IPO9: variants seen among roughly 807,000 people sequenced by gnomAD.
The protein encoded by IPO9 is importin 9.
A neutral mutation model predicts 128.6 loss-of-function variants in IPO9; 28 were observed. The ratio of observed to expected loss-of-function variants is 0.22; its 90% CI spans 0.16 to 0.30. The LOEUF is 0.30. Ranked by LOEUF, IPO9 falls within the 10% of genes least tolerant of loss-of-function variation. The pLI is 1.00. For synonymous variants in IPO9, 455 were observed against 475.8 expected (o/e 0.96, Z 0.57); for missense variants, 935 against 1,293.9 (o/e 0.72, Z 4.26).
At chr1:201,864,096 A>G (rs1332284578) in intron 14 of IPO9, among the ~76,000 whole-genome samples, 2 of 152,196 alleles carry the variant, frequency 1.3e-5, no homozygotes, top group East Asian at 1.9e-4. Context: ...TTATATTCCT[A>G]CGCAGACTAG....
Position 201,854,632 on chromosome 1 carries a change from A to G in IPO9, c.728A>G (p.Gln243Arg). The change falls in exon 7 of 24, where the codon CAG becomes CGG. Residue 243 changes from glutamine (Q) to arginine (R), a missense_variant. By Grantham distance (43) the Gln-to-Arg change is conservative. Coordinates refer to ENST00000361565, the MANE Select transcript of IPO9 (RefSeq NM_018085.5). ...AKVLIFPVVQQFTEAFVQALQ... is the reference protein window; with the variant it reads ...AKVLIFPVVQRFTEAFVQALQ... Reference sequence around the variant, plus strand: ...GTCCTGATCTTTCCCGTGGTACAGCAGTTCACAGAGGCCTTTGTTCAGGCC... The same window carrying G: ...GTCCTGATCTTTCCCGTGGTACAGCGGTTCACAGAGGCCTTTGTTCAGGCC... The G allele has an allele frequency of 1.2e-6, 2 of 1,614,194 alleles. No individual in the cohort carries two copies. The highest frequency in any genetic ancestry group is 1.7e-6 in the Non-Finnish European group (2 of 1,180,034).
At chr1:201,858,141 C>G (rs1336139188) in intron 11 of IPO9, among the ~76,000 whole-genome samples, 1 of 152,186 alleles carries the variant, frequency 6.6e-6, no homozygotes, top group East Asian at 1.9e-4. Context: ...TCCAAGAGAG[C>G]AAATATTTGG....
chr1:201,852,644 T>C (rs1392418718), intron 5 of IPO9, among the ~76,000 whole-genome samples: 1 of 152,226 alleles, frequency 6.6e-6, no homozygotes, highest in Admixed American at 6.5e-5. Flanking sequence ...ACCTGATGGA[T>C]AATGTTTTAA....
rs1433768489 is a variant in IPO9 at position 201,868,741 on chromosome 1, C to T, written c.1949C>T (p.Thr650Ile). Reference sequence around the variant, plus strand: ...CCAATGCAAATGAGGCTGATTCCCACTCTGGTCAGCATAATGCAGGCCCCA... The same window carrying T: ...CCAATGCAAATGAGGCTGATTCCCATTCTGGTCAGCATAATGCAGGCCCCA... Reference protein sequence around the residue: ...QGPMQMRLIPTLVSIMQAPAD... With the variant: ...QGPMQMRLIPILVSIMQAPAD... Residue 650 changes from threonine to isoleucine, a missense_variant, in exon 16 of 24, where the codon ACT (threonine) becomes ATT (isoleucine). Thr to Ile is a moderately conservative substitution (Grantham distance 89). Around this residue, in one of 3 missense-constraint regions of IPO9, gnomAD observed 741 missense variants for 1,019.1 expected, o/e 0.73. Coordinates refer to ENST00000361565, the MANE Select transcript of IPO9 (RefSeq NM_018085.5). 2.5e-6 allele frequency: 4 copies of T among 1,613,964 alleles called. No individual in the cohort carries two copies. In the African/African-American group the frequency reaches 4.0e-5, roughly 16 times the overall value.
chr1:201,851,487 G>A (rs1472955204), intron 4 of IPO9, among the ~76,000 whole-genome samples: 1 of 151,590 alleles, frequency 6.6e-6, no homozygotes, highest in Non-Finnish European at 1.5e-5. Flanking sequence ...AGACGTGAAG[G>A]GAAAGATACG....
intron 1 of IPO9, among the ~76,000 whole-genome samples, chr1:201,830,733 T>G (rs1208951521): frequency 1.3e-5 from 2 of 152,224 alleles, no homozygotes; most frequent in Non-Finnish European, 2.9e-5. Flanking sequence ...CTCATCACAT[T>G]CAAGTTGTCA....
chr1:201,872,803 C>T lies in IPO9; in HGVS notation c.2577-25C>T. 3 of 1,598,208 alleles carry T rather than the reference C, an allele frequency of 1.9e-6. No homozygotes were observed. The South Asian group carries it at 3.4e-5, about 18-fold the overall frequency. The stretch of plus-strand genomic sequence containing the variant: ...GAACTCGAGATGGGCGGCTGATTGA[C>T]CTTTTTTTGGATCTTCCTTGCCAGC... On this transcript the variant is annotated intron_variant, in intron 19 of 23. Coordinates refer to ENST00000361565, the MANE Select transcript of IPO9 (RefSeq NM_018085.5).
intron 19 of IPO9, among the ~76,000 whole-genome samples, chr1:201,872,303 G>A (rs776854852): frequency 3.1e-4 from 47 of 151,980 alleles, no homozygotes; most frequent in Non-Finnish European, 5.3e-4. Context: ...TTATCACCTC[G>A]TTGCACCTTA....
rs988531162 is a variant in IPO9, at chr1:201,878,210, T to G, written c.*2156T>G. ...GGAGTTGCTGATACTGGGGAAATGATGGCAGATCTGACCAAGTGGTGCTGA... is the reference window on the plus strand; with the variant it reads ...GGAGTTGCTGATACTGGGGAAATGAGGGCAGATCTGACCAAGTGGTGCTGA... On this transcript the variant is annotated 3_prime_UTR_variant, in exon 24 of 24. Transcript: ENST00000361565. 1 of 152,318 alleles carries G rather than the reference T, an allele frequency of 6.6e-6. No homozygotes were observed. The highest frequency in any genetic ancestry group is 1.5e-5 in the Non-Finnish European group (1 of 68,118). The allele number at this position is 152,318 out of a possible 1,614,324, so 9.4% of individuals were successfully genotyped here. A position where few individuals can be genotyped will look rare whatever the true frequency, so the allele number is the denominator to read the frequency against.
At chr1:201,872,526 C>T (rs146169986) in intron 19 of IPO9, among the ~76,000 whole-genome samples, 48 of 152,052 alleles carry the variant, frequency 3.2e-4, no homozygotes, top group African/African-American at 1.0e-3. Flanking sequence ...ATCACCTGAA[C>T]CCAGGGAGGT....
At chr1:201,836,205 A>G (rs1679920100) in intron 1 of IPO9, among the ~76,000 whole-genome samples, 1 of 151,890 alleles carries the variant, frequency 6.6e-6, no homozygotes, top group South Asian at 2.1e-4. Flanking sequence ...TTTTTTTAAC[A>G]AATATACTTA....
intron 11 of IPO9, among the ~76,000 whole-genome samples, chr1:201,857,654 G>A (rs191077426): frequency 6.6e-6 from 1 of 152,246 alleles, no homozygotes; most frequent in African/African-American, 2.4e-5. Flanking sequence ...AATTAGCCGG[G>A]CGTGATGGCG....
At chr1:201,869,758 C>G (rs1680614767) in intron 17 of IPO9, 40 bp downstream of exon 17, 2 of 1,609,982 alleles carry the variant, frequency 1.2e-6, no homozygotes, top group Non-Finnish European at 1.7e-6. Flanking sequence ...AAGATAGCTC[C>G]CCAGCCATGG....
chr1:201,863,301 G>A lies in IPO9; in HGVS notation c.1469-147G>A, dbSNP rs1048923417. On this transcript the variant is annotated intron_variant, in intron 13 of 23. Coordinates refer to ENST00000361565, the MANE Select transcript of IPO9 (RefSeq NM_018085.5). ...CGGGGGACGGAGGTTGCAGTGAGCC[G>A]AGATCACGCCATCGCACTCCATCCT... 27 of 674,342 alleles carry A rather than the reference G, an allele frequency of 4.0e-5. 1 individual carries two copies. The highest frequency in any genetic ancestry group is 1.5e-4 in the East Asian group (5 of 33,866). The allele number at this position is 674,342 out of a possible 1,614,324, so 41.8% of individuals were successfully genotyped here. A position where few individuals can be genotyped will look rare whatever the true frequency, so the allele number is the denominator to read the frequency against.
At chr1:201,867,323 TACTA>T (rs1375847463) in intron 15 of IPO9, among the ~76,000 whole-genome samples, 1 of 152,072 alleles carries the variant, frequency 6.6e-6, no homozygotes, top group Non-Finnish European at 1.5e-5. Context: ...GAAAAGGAGA[TACTA>T]AAGAAAGATA....
chr1:201,871,590 A>G (rs534197896), intron 19 of IPO9, among the ~76,000 whole-genome samples: 10 of 151,748 alleles, frequency 6.6e-5, no homozygotes, highest in African/African-American at 2.2e-4. Flanking sequence ...AGAGGGTTTC[A>G]CCATGTTGGC....
chr1:201,831,890 TGTTGTTG>T (rs1679840426), intron 1 of IPO9, among the ~76,000 whole-genome samples: 2 of 149,306 alleles, frequency 1.3e-5, no homozygotes, highest in Admixed American at 6.6e-5. Context: ...TTGCTTTTGT[TGTTGTTG>T]TTGTTGTTGT....
rs1679979959 is a variant in IPO9 at position 201,838,446 on chromosome 1, T to C, written c.164-8833T>C. 2.6e-5 allele frequency among the ~76,000 whole-genome samples: 4 copies of C among 152,252 alleles called. No homozygotes were observed. The South Asian group carries it at 6.2e-4, about 24-fold the overall frequency. On this transcript the variant is annotated intron_variant, in intron 1 of 23. Coordinates refer to ENST00000361565, the MANE Select transcript of IPO9 (RefSeq NM_018085.5). ...TCAGTTCTGATAGTTGACTCCCATA[T>C]CTTCGGGTTGTAGATACCTGTTGTT...
At chr1:201,864,842 A>G (rs1215989037) in intron 14 of IPO9, among the ~76,000 whole-genome samples, 2 of 152,236 alleles carry the variant, frequency 1.3e-5, no homozygotes, top group Non-Finnish European at 2.9e-5. Context: ...TACTTTTATA[A>G]TCAGAAGAAC....
Sources: gnomAD v4.1 joint callset for allele counts (sites outside exome capture counted in the v4.1 genomes callset) on GRCh38, gnomAD v4.1.1 for gene constraint, gnomAD v4.1.1 regional missense constraint, MANE v1.5 for transcripts, NCBI Gene and HGNC (gene_info 2026-07-23, HGNC 2026-07-21) for gene names.